CRYBG3: variants seen among roughly 807,000 people sequenced by gnomAD.
The protein encoded by CRYBG3 is very large A-kinase anchor protein.
In CRYBG3, 127 loss-of-function variants were observed where a neutral mutation model predicts 244.2. That is an observed-to-expected ratio of 0.52 (90% CI 0.45 to 0.60). The LOEUF is 0.60. Ranked by LOEUF, CRYBG3 falls within the 20% of genes least tolerant of loss-of-function variation. The probability of loss-of-function intolerance (pLI) is 0.00; values close to 1 mark genes in which losing one functional copy is unlikely to be tolerated. For synonymous variants in CRYBG3, 1,132 were observed against 1,195.8 expected, an observed-to-expected ratio of 0.95 and a Z score of 1.10; for missense variants, 3,325 against 3,442.5, an observed-to-expected ratio of 0.97 and a Z score of 0.85.
chr3:97,851,131 CA>C (rs11393717), intron 2 of CRYBG3, among the ~76,000 whole-genome samples: 688 of 94,206 alleles, frequency 7.3e-3, no homozygotes, highest in Non-Finnish European at 9.9e-3. Flanking sequence ...AGACTGTCTC[CA>C]AAAAAAAAAA....
chr3:97,864,599 C>CT lies in CRYBG3; in HGVS notation c.602dup (p.Leu201PhefsTer8). On this transcript the variant is annotated frameshift_variant, in exon 3 of 22. Transcript: ENST00000389622. LOFTEE classifies it high-confidence loss of function. ...TCATCCGAACTCTCAGATGCTTTTT[C>CT]TTTGGATACAACACAAGACAGTGAC... 1 of 1,535,794 alleles carries CT rather than the reference C, an allele frequency of 6.5e-7. No homozygotes were observed. The highest frequency in any genetic ancestry group is 2.4e-5 in the East Asian group (1 of 40,904).
At chr3:97,882,146 T>C (rs1576542394) in intron 7 of CRYBG3, among the ~76,000 whole-genome samples, 1 of 151,864 alleles carries the variant, frequency 6.6e-6, no homozygotes, top group Non-Finnish European at 1.5e-5. Context: ...AGGGCAGAGG[T>C]TGCAGTGAGC....
rs2039325440 is a variant in CRYBG3 at position 97,873,134 on chromosome 3, G to T, written c.1940G>T (p.Cys647Phe). The T allele has an allele frequency of 6.5e-7, 1 of 1,535,622 alleles. No homozygotes were observed. Among genetic ancestry groups the T allele is most frequent in the South Asian group, 1.2e-5 (1 of 84,042 alleles). ...GCTAAAACATCTCTTAGCCTTGACT[G>T]TAAAAAACTAAATTTCAGTATTTCA... ...PDAKTSLSLD[C>F]KKLNFSISPP... is the part of the protein sequence containing the mutation. The change falls in exon 4 of 22, where the codon TGT (cysteine) becomes TTT (phenylalanine). Residue 647 changes from cysteine (C) to phenylalanine (F), a missense_variant. Transcript: ENST00000389622.
intron 2 of CRYBG3, among the ~76,000 whole-genome samples, chr3:97,854,823 A>G (rs1181902753): frequency 6.6e-6 from 1 of 152,022 alleles, no homozygotes; most frequent in Non-Finnish European, 1.5e-5. Flanking sequence ...GACTTCCTCT[A>G]TACGAATTTG....
At chr3:97,938,922 C>A (rs576775809) in intron 19 of CRYBG3, among the ~76,000 whole-genome samples, 1 of 151,904 alleles carries the variant, frequency 6.6e-6, no homozygotes, top group East Asian at 1.9e-4. Context: ...TGCTTATTCC[C>A]CACTCCTATC....
chr3:97,859,295 T>G (rs1576526015), intron 2 of CRYBG3, among the ~76,000 whole-genome samples: 1 of 152,140 alleles, frequency 6.6e-6, no homozygotes, highest in African/African-American at 2.4e-5. Context: ...GTGGTGAGGG[T>G]GCACATTTGA....
At chr3:97,938,824 C>T (rs1175801252) in intron 19 of CRYBG3, among the ~76,000 whole-genome samples, 1 of 151,774 alleles carries the variant, frequency 6.6e-6, no homozygotes, top group Non-Finnish European at 1.5e-5. Flanking sequence ...CACAATGTCC[C>T]TTGAGATGCT....
chr3:97,858,922 T>C (rs373831543), intron 2 of CRYBG3, among the ~76,000 whole-genome samples: 1 of 152,182 alleles, frequency 6.6e-6, no homozygotes, highest in African/African-American at 2.4e-5. Context: ...ATGCATCTGG[T>C]GGAATAAGTA....
intron 1 of CRYBG3, among the ~76,000 whole-genome samples, chr3:97,839,462 C>T (rs548834910): frequency 2.0e-5 from 3 of 152,014 alleles, no homozygotes; most frequent in Non-Finnish European, 4.4e-5. Flanking sequence ...TTTTTCCCAC[C>T]AGCTCCACTC....
rs772805761 is a variant in CRYBG3, at chr3:97,896,056, C to A, written c.7672C>A (p.Pro2558Thr). The stretch of plus-strand genomic sequence containing the variant: ...TAATGCTTGTGGTGCATTAAGTAGC[C>A]CTATCTTGTCTTTCCGGTACTTACA... ...DSNACGALSS[P>T]ILSFRYLQAN... Residue 2558 changes from proline (P) to threonine (T), a missense_variant, in exon 12 of 22, where the codon CCT becomes ACT. Around this residue, in one of 4 missense-constraint regions of CRYBG3, gnomAD observed 714 missense variants for 803.6 expected, o/e 0.89. Transcript: ENST00000389622. 10 of 1,611,862 alleles carry A rather than the reference C, an allele frequency of 6.2e-6. No homozygotes were observed. In the East Asian group the frequency reaches 2.2e-4, roughly 36 times the overall value.
intron 19 of CRYBG3, among the ~76,000 whole-genome samples, chr3:97,940,501 C>T (rs1012208692): frequency 2.0e-5 from 3 of 152,016 alleles, no homozygotes; most frequent in Non-Finnish European, 2.9e-5. Context: ...TCCTTAGAGG[C>T]AAGTCCCAGG....
intron 7 of CRYBG3, among the ~76,000 whole-genome samples, chr3:97,885,000 A>G (rs2039491823): frequency 2.0e-5 from 3 of 152,122 alleles, no homozygotes; most frequent in African/African-American, 7.2e-5. Context: ...TTTTGTTACT[A>G]TAACTCAGAT....
chr3:97,924,783 T>C (rs923947028), intron 17 of CRYBG3, among the ~76,000 whole-genome samples: 5 of 152,086 alleles, frequency 3.3e-5, no homozygotes, highest in African/African-American at 1.2e-4. Flanking sequence ...ATTGTGCCTA[T>C]CTCAAGGTCC....
chr3:97,924,641 C>G (rs1292929266), intron 17 of CRYBG3, among the ~76,000 whole-genome samples: 1 of 152,076 alleles, frequency 6.6e-6, no homozygotes, highest in Non-Finnish European at 1.5e-5. Flanking sequence ...CATTCCTTAA[C>G]TCATGACCTT....
intron 18 of CRYBG3, 37 bp downstream of exon 18, chr3:97,933,870 CTGTTT>C (rs1346825645): frequency 1.9e-6 from 3 of 1,595,034 alleles, no homozygotes; most frequent in African/African-American, 2.7e-5. Context: ...GGTTCAGTTA[CTGTTT>C]TAAGACAGAG....
chr3:97,879,964 C>G, intron 5 of CRYBG3, 21 bp from the exon 6 acceptor site: 2 of 1,202,886 alleles, frequency 1.7e-6, no homozygotes, highest in East Asian at 2.3e-5. Flanking sequence ...TAACTACTTA[C>G]TGCTATTTAC....
At chr3:97,890,053 C>T (rs1293403111) in intron 10 of CRYBG3, among the ~76,000 whole-genome samples, 1 of 152,196 alleles carries the variant, frequency 6.6e-6, no homozygotes, top group East Asian at 1.9e-4. Flanking sequence ...TCGTCTTCCT[C>T]TTCTCTAAAG....
intron 16 of CRYBG3, among the ~76,000 whole-genome samples, chr3:97,915,407 C>T (rs1344353280): frequency 6.6e-6 from 1 of 152,066 alleles, no homozygotes; most frequent in African/African-American, 2.4e-5. Flanking sequence ...ATGTAAAGTG[C>T]CCAGCCTAAT....
chr3:97,829,626 A>G (rs1196892753), intron 1 of CRYBG3, among the ~76,000 whole-genome samples: 1 of 152,222 alleles, frequency 6.6e-6, no homozygotes, highest in African/African-American at 2.4e-5. Context: ...GCTTTGGTTA[A>G]TTCTTCCATG....
Sources: allele counts gnomAD v4.1 joint callset (sites outside exome capture counted in the v4.1 genomes callset), GRCh38; gene constraint gnomAD v4.1.1; regional missense constraint gnomAD v4.1.1; transcripts MANE v1.5; gene names NCBI Gene and HGNC (gene_info 2026-07-23, HGNC 2026-07-21).